BDH1: variants seen among roughly 807,000 people sequenced by gnomAD.
The protein encoded by BDH1 is D-beta-hydroxybutyrate dehydrogenase, mitochondrial.
BDH1 carries 30 observed loss-of-function variants against 33.1 expected under a neutral mutation model. The observed-to-expected ratio is 0.91, with a 90% CI of 0.68 to 1.23. The LOEUF (loss-of-function observed/expected upper bound fraction) is 1.23, where lower values mean the gene tolerates loss of function less well. Among genes scored for constraint, BDH1 ranks in the 50% most tolerant of loss-of-function variants. The pLI, the probability that BDH1 is intolerant of heterozygous loss-of-function variation, is 0.00. For synonymous variants in BDH1, 190 were observed against 183.6 expected (o/e 1.03, Z -0.28); for missense variants, 443 against 464.4 (o/e 0.95, Z 0.42).
At chr3:197,559,780 T>C (rs1031591390), upstream of BDH1, among the ~76,000 whole-genome samples, 1 of 151,980 alleles carries the variant, frequency 6.6e-6, no homozygotes, top group Non-Finnish European at 1.5e-5. Flanking sequence ...AACTGAGGAG[T>C]TGGGACTGGG....
rs1560296787 is a variant in BDH1, at chr3:197,510,674, A to AGTGTGTGTGTGTG, written c.*1220_*1221insCACACACACACAC. Reference sequence around the variant, plus strand: ...TGTGTGTGTGTGTGTGTGTGTGTACATGTGTGTAAGGTGTGTGTGTGTGTG... The same window carrying AGTGTGTGTGTGTG: ...TGTGTGTGTGTGTGTGTGTGTGTACAGTGTGTGTGTGTGTGTGTGTAAGGTGTGTGTGTGTGTG... On this transcript the variant is annotated 3_prime_UTR_variant, in exon 8 of 8. Coordinates refer to ENST00000392379, the MANE Select transcript of BDH1 (RefSeq NM_203314.3). 1.9e-4 allele frequency: 7 copies of AGTGTGTGTGTGTG among 37,290 alleles called. No individual in the cohort carries two copies. Among genetic ancestry groups the AGTGTGTGTGTGTG allele is most frequent in the Admixed American group, 3.1e-4 (1 of 3,180 alleles). 2.3% of individuals were successfully genotyped at this position (37,290 alleles called of 1,614,324 possible). A position where few individuals can be genotyped will look rare whatever the true frequency, so the allele number is the denominator to read the frequency against.
At chr3:197,532,939 A>G (rs6583224) in intron 4 of BDH1, among the ~76,000 whole-genome samples, 65,212 of 152,044 alleles carry the variant, frequency 0.43, 17,155 homozygotes, top group African/African-American at 0.75. Context: ...GGCAATGGCC[A>G]GTCTCGGCTC....
At chr3:197,515,915 C>T (rs1339110149) in intron 6 of BDH1, 2 of 112,814 alleles carry the variant, frequency 1.8e-5, no homozygotes, top group South Asian at 2.8e-4. Flanking sequence ...CACACACACA[C>T]GCGCGCGCGC....
chr3:197,515,752 A>C, intron 6 of BDH1: 1 of 984,510 alleles, frequency 1.0e-6, no homozygotes, highest in Non-Finnish European at 1.2e-6. Context: ...TGTAATACAA[A>C]GATTAGCCGG....
Position 197,564,419 on chromosome 3 carries a change from C to T in BDH1, c.-44+8762G>A, listed in dbSNP as rs761439672. 2.6e-5 allele frequency among the ~76,000 whole-genome samples: 4 copies of T among 152,112 alleles called. No individual in the cohort carries two copies. The South Asian group carries it at 8.3e-4, about 32-fold the overall frequency. On this transcript the variant is annotated intron_variant, in intron 1 of 6. Transcript: ENST00000358186. ...TTTTTTTTTTAAGTTAAGGTTATTA[C>T]ACCCATATGTCTCTCTGTATGAGGT...
chr3:197,547,451 G>T (rs1716178202), intron 2 of BDH1, among the ~76,000 whole-genome samples: 1 of 152,362 alleles, frequency 6.6e-6, no homozygotes, highest in South Asian at 2.1e-4. Context: ...TGGGCCCAGA[G>T]GTCAGCAGTG....
At chr3:197,547,420 C>A (rs950447164) in intron 2 of BDH1, among the ~76,000 whole-genome samples, 7 of 152,238 alleles carry the variant, frequency 4.6e-5, no homozygotes, top group Admixed American at 1.3e-4. Context: ...CCACCCCAAA[C>A]CTTACTGATA....
chr3:197,515,186 T>A (rs1254643313), intron 6 of BDH1, among the ~76,000 whole-genome samples: 1 of 152,228 alleles, frequency 6.6e-6, no homozygotes, highest in Non-Finnish European at 1.5e-5. Flanking sequence ...TCCTTCCGTG[T>A]TACCCAAATT....
At chr3:197,524,955 C>A (rs1299831982) in intron 5 of BDH1, among the ~76,000 whole-genome samples, 1 of 152,162 alleles carries the variant, frequency 6.6e-6, no homozygotes, top group African/African-American at 2.4e-5. Flanking sequence ...TCTGCAGAGG[C>A]ACCAGGGATG....
At position 197,512,328 on chromosome 3, in the gene BDH1, A is replaced by C; in HGVS notation, c.599T>G (p.Met200Arg). 6.2e-7 allele frequency: 1 copy of C among 1,610,444 alleles called. No homozygotes were observed. The highest frequency in any genetic ancestry group is 8.5e-7 in the Non-Finnish European group (1 of 1,179,894). The change falls in exon 8 of 8, where the codon ATG (methionine) becomes AGG (arginine). Residue 200 changes from methionine (M) to arginine (R), a missense_variant. Physicochemically the swap from Met to Arg is moderately conservative, Grantham distance 91. Transcript: ENST00000392379. ...VVNISSMLGR[M>R]ANPARSPYCI... ...GTACGGGGAGCGGGCCGGGTTGGCC[A>C]TGCGGCCCAGCATGCTGCTGATATT...
intron 7 of BDH1, 31 bp from the exon 8 acceptor site, chr3:197,512,395 C>G (rs9325394): frequency 0.36 from 572,807 of 1,573,284 alleles, 109,957 homozygotes; most frequent in Non-Finnish European, 0.4. Context: ...ACCTGCTAAG[C>G]CGTTACTGCC....
At position 197,522,872 on chromosome 3, in the gene BDH1, AG is replaced by A; in HGVS notation, c.268-92del. 1 of 1,504,194 alleles carries A rather than the reference AG, an allele frequency of 6.6e-7. No individual in the cohort carries two copies. The highest frequency in any genetic ancestry group is 2.3e-5 in the East Asian group (1 of 43,808). The allele number at this position is 1,504,194 out of a possible 1,614,324, so 93.2% of individuals were successfully genotyped here. A position where few individuals can be genotyped will look rare whatever the true frequency, so the allele number is the denominator to read the frequency against. ...CCTGTCAAGGCAGGAGCTGGCCTCAAGTCCCAGCCAAAGCCTCAGGCATACT... is the reference window on the plus strand; with the variant it reads ...CCTGTCAAGGCAGGAGCTGGCCTCAATCCCAGCCAAAGCCTCAGGCATACT... On this transcript the variant is annotated intron_variant, in intron 5 of 7. Transcript: ENST00000392379. The surrounding 1 kb of genome is among the most constrained non-coding windows in gnomAD (Gnocchi z 4.8).
At position 197,523,088 on chromosome 3, in the gene BDH1, C is replaced by A. The variant is rs1173422704; in HGVS notation, c.268-307G>T. On this transcript the variant is annotated intron_variant, in intron 5 of 7. Coordinates refer to ENST00000392379, the MANE Select transcript of BDH1 (RefSeq NM_203314.3). The surrounding 1 kb of genome is among the most constrained non-coding windows in gnomAD (Gnocchi z 4.5). ...CAAACTTATGTGGGGCAGGCGGGGG[C>A]CCTGGGGAGTACAGGACATGTCAGG... 6 of 378,310 alleles carry A rather than the reference C, an allele frequency of 1.6e-5. No homozygotes were observed. Among genetic ancestry groups the A allele is most frequent in the African/African-American group, 1.2e-4 (6 of 48,396 alleles). The allele number at this position is 378,310 out of a possible 1,614,324, so 23.4% of individuals were successfully genotyped here.
intron 1 of BDH1, among the ~76,000 whole-genome samples, chr3:197,568,335 T>C (rs2108777343): frequency 6.6e-6 from 1 of 152,162 alleles, no homozygotes; most frequent in South Asian, 2.1e-4. Flanking sequence ...TCTGTAGAAT[T>C]TTATAGGTAT....
intron 2 of BDH1, among the ~76,000 whole-genome samples, chr3:197,546,854 G>A (rs540717855): frequency 6.6e-6 from 1 of 152,154 alleles, no homozygotes; most frequent in Non-Finnish European, 1.5e-5. Context: ...ATTCTGACTC[G>A]GTAAGTCCTA....
intron 1 of BDH1, among the ~76,000 whole-genome samples, chr3:197,565,566 A>G (rs982899121): frequency 6.6e-6 from 1 of 152,178 alleles, no homozygotes; most frequent in African/African-American, 2.4e-5. Flanking sequence ...CTGTATTTAT[A>G]TAAATATGTT....
At chr3:197,543,219 G>A in intron 3 of BDH1, 2 of 976,474 alleles carry the variant, frequency 2.0e-6, no homozygotes, top group Non-Finnish European at 2.4e-6. Flanking sequence ...TGCAGCTCGG[G>A]AGAAATATGG....
At position 197,510,625 on chromosome 3, in the gene BDH1, T is replaced by TGG. The variant is rs1711849111; in HGVS notation, c.*1269_*1270insCC. The stretch of plus-strand genomic sequence containing the variant: ...GTGTGTGTGTGTGTGTGTGTGTGTG[T>TGG]GTGTGTGTGTGTGTGTGTGTGTGTG... On this transcript the variant is annotated 3_prime_UTR_variant, in exon 8 of 8. Coordinates refer to ENST00000392379, the MANE Select transcript of BDH1 (RefSeq NM_203314.3). 1 of 33,548 alleles carries TGG rather than the reference T, an allele frequency of 3.0e-5. No homozygotes were observed. The highest frequency in any genetic ancestry group is 2.2e-4 in the African/African-American group (1 of 4,484). The allele number at this position is 33,548 out of a possible 1,614,324, so 2.1% of individuals were successfully genotyped here.
At chr3:197,529,710 G>A (rs934448160) in intron 5 of BDH1, 2 of 152,136 alleles carry the variant, frequency 1.3e-5, no homozygotes, top group African/African-American at 4.8e-5. Flanking sequence ...AACCTTCTCT[G>A]ATCCAGATGG....
Sources: allele counts gnomAD v4.1 joint callset (sites outside exome capture counted in the v4.1 genomes callset), GRCh38; gene constraint gnomAD v4.1.1; non-coding constraint Gnocchi (gnomAD v3.1); transcripts MANE v1.5; gene names NCBI Gene and HGNC (gene_info 2026-07-23, HGNC 2026-07-21).